The following LHX4 variants were observed in gnomAD, a reference collection of about 807,000 sequenced individuals.
The protein encoded by LHX4 is LIM homeobox 4.
LHX4 carries 16 observed loss-of-function variants against 39.2 expected under a neutral mutation model. The ratio of observed to expected loss-of-function variants is 0.41; its 90% confidence interval spans 0.28 to 0.62. The LOEUF is 0.62. Among genes scored for constraint, LHX4 ranks in the 20% least tolerant of loss-of-function variants. LHX4 has a pLI of 0.33. For missense variants in LHX4, 439 were observed against 511.9 expected, an observed-to-expected ratio of 0.86 and a Z score of 1.37; for synonymous variants, 206 against 198.1, an observed-to-expected ratio of 1.04 and a Z score of -0.33.
intron 3 of LHX4, among the ~76,000 whole-genome samples, chr1:180,268,778 T>A (rs1013786426): frequency 6.6e-6 from 1 of 152,192 alleles, no homozygotes; most frequent in South Asian, 2.1e-4. Flanking sequence ...GACCCCACCC[T>A]GGCTGTGAGC....
chr1:180,258,348 C>G (rs1647957627), intron 2 of LHX4, among the ~76,000 whole-genome samples: 1 of 152,144 alleles, frequency 6.6e-6, no homozygotes, highest in Non-Finnish European at 1.5e-5. Flanking sequence ...GCGGAGTGGA[C>G]TGGGCAGTGG....
chr1:180,263,754 A>AACT (rs1386464554), intron 2 of LHX4, among the ~76,000 whole-genome samples: 2 of 152,128 alleles, frequency 1.3e-5, no homozygotes, highest in Non-Finnish European at 2.9e-5. Context: ...TGCTGGTGTC[A>AACT]GCTGGGCCTC....
intron 2 of LHX4, among the ~76,000 whole-genome samples, chr1:180,254,679 G>A (rs1310922966): frequency 6.6e-6 from 1 of 152,218 alleles, no homozygotes; most frequent in African/African-American, 2.4e-5. Flanking sequence ...TGCGGGGTGG[G>A]CTTCATGGAG....
intron 2 of LHX4, among the ~76,000 whole-genome samples, chr1:180,259,881 G>A (rs533014916): frequency 6.6e-6 from 1 of 151,694 alleles, no homozygotes; most frequent in Non-Finnish European, 1.5e-5. Flanking sequence ...GTCCAATGGT[G>A]GGAGGGTTGG....
intron 1 of LHX4, among the ~76,000 whole-genome samples, chr1:180,233,137 C>A (rs547107558): frequency 1.3e-5 from 2 of 152,334 alleles, no homozygotes; most frequent in South Asian, 4.1e-4. Flanking sequence ...CTGGACTATT[C>A]CTTTGCTTAT....
chr1:180,257,168 C>CTGCCATGGA (rs1336568452), intron 2 of LHX4, among the ~76,000 whole-genome samples: 1 of 152,174 alleles, frequency 6.6e-6, no homozygotes, highest in African/African-American at 2.4e-5. Context: ...CGTCCACTTC[C>CTGCCATGGA]TGCCATGGAT....
At position 180,230,629 on chromosome 1, in the gene LHX4, G is replaced by A. The variant is rs554859643; in HGVS notation, c.76+24G>A. The A allele has an allele frequency of 3.1e-6, 5 of 1,604,844 alleles. No homozygotes were observed. The South Asian group carries it at 5.5e-5, about 18-fold the overall frequency. On this transcript the variant is annotated intron_variant, in intron 1 of 5. Coordinates refer to ENST00000263726, the MANE Select transcript of LHX4 (RefSeq NM_033343.4). This position sits in a 1 kb window ranked among gnomAD's most constrained non-coding sequence, Gnocchi z 5.8. ...ACGTAAGACACCCCCCTTTCTCGCT[G>A]ATTTAATTCTAACAAGACAGCTAGC...
chr1:180,261,032 G>T (rs141353549), intron 2 of LHX4, among the ~76,000 whole-genome samples: 1 of 151,990 alleles, frequency 6.6e-6, no homozygotes, highest in Non-Finnish European at 1.5e-5. Flanking sequence ...CAGCAAGTGG[G>T]ATGTAAAGTC....
chr1:180,242,290 T>C (rs1210998283), intron 1 of LHX4, among the ~76,000 whole-genome samples: 1 of 152,096 alleles, frequency 6.6e-6, no homozygotes, highest in Non-Finnish European at 1.5e-5. Context: ...CATGTGAGTA[T>C]GTGTCTTTGA....
intron 2 of LHX4, among the ~76,000 whole-genome samples, chr1:180,260,523 G>A (rs1192281056): frequency 6.6e-6 from 1 of 151,798 alleles, no homozygotes; most frequent in Non-Finnish European, 1.5e-5. Flanking sequence ...CAGGTGCAGA[G>A]GCTGGGACCC....
At chr1:180,271,035 G>A in intron 3 of LHX4, 2 of 372,154 alleles carry the variant, frequency 5.4e-6, no homozygotes, top group Non-Finnish European at 1.0e-5. Flanking sequence ...AAGAACTCAT[G>A]AGGATGTGTG....
upstream of LHX4, among the ~76,000 whole-genome samples, chr1:180,229,958 G>GCGGAGT (rs1664128228): frequency 1.1e-5 from 1 of 87,840 alleles, no homozygotes; most frequent in Non-Finnish European, 2.5e-5. Flanking sequence ...GGAGGCGGAG[G>GCGGAGT]CGGGGAGGGG....
chr1:180,270,409 T>G (rs183550192), intron 3 of LHX4: 16 of 152,368 alleles, frequency 1.1e-4, no homozygotes, highest in African/African-American at 3.8e-4. Context: ...TTATTCCGTG[T>G]GTCCTCCAGG....
intron 1 of LHX4, among the ~76,000 whole-genome samples, chr1:180,240,005 A>G (rs1034429489): frequency 6.6e-6 from 1 of 152,032 alleles, no homozygotes; most frequent in African/African-American, 2.4e-5. Flanking sequence ...AGCAAGAAAA[A>G]CCTTGTCCTG....
chr1:180,262,821 T>A (rs549710384), intron 2 of LHX4, among the ~76,000 whole-genome samples: 4 of 152,246 alleles, frequency 2.6e-5, no homozygotes, highest in Non-Finnish European at 4.4e-5. Flanking sequence ...CATTCATTCA[T>A]TGGGTCTTTG....
At chr1:180,251,343 G>A (rs1647620855) in intron 2 of LHX4, among the ~76,000 whole-genome samples, 1 of 152,198 alleles carries the variant, frequency 6.6e-6, no homozygotes, top group Non-Finnish European at 1.5e-5. Flanking sequence ...TCCAGGGACG[G>A]TGCCCACCCT....
At chr1:180,243,696 C>T (rs1048674296) in intron 1 of LHX4, among the ~76,000 whole-genome samples, 5 of 152,170 alleles carry the variant, frequency 3.3e-5, no homozygotes, top group East Asian at 1.9e-4. Flanking sequence ...TGCTGCTTCC[C>T]GCCCTCCTGT....
chr1:180,242,904 G>A (rs1664473562), intron 1 of LHX4, among the ~76,000 whole-genome samples: 1 of 152,104 alleles, frequency 6.6e-6, no homozygotes, highest in African/African-American at 2.4e-5. Flanking sequence ...GTTTTAATGT[G>A]GAATTTTGAG....
chr1:180,267,987 T>TC (rs1205471300), intron 3 of LHX4, among the ~76,000 whole-genome samples: 5 of 152,016 alleles, frequency 3.3e-5, no homozygotes, highest in Admixed American at 6.6e-5. Context: ...CCCCCACAGC[T>TC]CTGGCCTTTC....
Sources: gnomAD v4.1 joint callset for allele counts (sites outside exome capture counted in the v4.1 genomes callset) on GRCh38, gnomAD v4.1.1 for gene constraint, Gnocchi (gnomAD v3.1) non-coding constraint, MANE v1.5 for transcripts, NCBI Gene and HGNC (gene_info 2026-07-23, HGNC 2026-07-21) for gene names.